NPRL3: variants seen among roughly 807,000 people sequenced by gnomAD.
NPRL3 encodes the protein GATOR1 complex protein NPRL3.
Under a neutral mutation model 57.2 loss-of-function variants are expected in NPRL3, and 23 were observed. The observed-to-expected ratio is 0.40, with a 90% CI of 0.29 to 0.57. NPRL3 has a LOEUF of 0.57. Among genes scored for constraint, NPRL3 ranks in the 20% least tolerant of loss-of-function variants. The pLI, the probability that NPRL3 is intolerant of heterozygous loss-of-function variation, is 0.42. For synonymous variants in NPRL3, 333 were observed against 321.1 expected (o/e 1.04, Z -0.39); for missense variants, 691 against 767.1 (o/e 0.90, Z 1.17).
At chr16:134,694 A>ATTATT (rs1346965930) in intron 2 of NPRL3, among the ~76,000 whole-genome samples, 10 of 103,408 alleles carry the variant, frequency 9.7e-5, no homozygotes, top group Non-Finnish European at 1.6e-4. Context: ...AATTATTATT[A>ATTATT]TTTTTTTTTT....
At chr16:104,806 A>G (rs1418908214) in intron 7 of NPRL3, among the ~76,000 whole-genome samples, 13 of 152,124 alleles carry the variant, frequency 8.5e-5, no homozygotes, top group Non-Finnish European at 1.8e-4. Context: ...TTCCCTGAAC[A>G]TGTCAGAGGG....
chr16:100,500 C>T lies in NPRL3; in HGVS notation c.639G>A (p.Thr213=), dbSNP rs770198792. The change falls in exon 8 of 14, where the codon ACG becomes ACA. Residue 213 remains threonine (T), a synonymous_variant. Transcript: ENST00000611875. ...TGATGTGAAGCCGAACTACGCCCGA[C>T]GTGCACAGGCTGCAGAGAGTGGGCG... is the stretch of plus-strand genomic sequence containing the variant. The part of the protein sequence containing the change: ...DLKEAYDSLC[T]SGVVRLHINS... The T allele has an allele frequency of 1.8e-5, 28 of 1,578,290 alleles. No individual in the cohort carries two copies. The highest frequency in any genetic ancestry group is 6.8e-5 in the African/African-American group (5 of 73,048).
At position 117,379 on chromosome 16, in the gene NPRL3, T is replaced by C. The variant is rs1033435405; in HGVS notation, c.319-4A>G. 3 of 1,595,616 alleles carry C rather than the reference T, an allele frequency of 1.9e-6. No individual in the cohort carries two copies. The highest frequency in any genetic ancestry group is 1.3e-5 in the African/African-American group (1 of 74,556). ...GGGAAGGATCTGTTTTGGAGATCTG[T>C]AAAAGATGCATAATTCTAATTAATT... On this transcript the variant is annotated splice_region_variant and splice_polypyrimidine_tract_variant and intron_variant, in intron 4 of 13. Coordinates refer to ENST00000611875, the MANE Select transcript of NPRL3 (RefSeq NM_001077350.3).
chr16:106,243 G>A lies in NPRL3; in HGVS notation c.629+4282C>T, dbSNP rs1267131157. ...GAATCACTTAAGCCCGGGAGACGGA[G>A]GTTGCAGTGAACTGAGATTGTGCCA... On this transcript the variant is annotated intron_variant, in intron 7 of 13. Transcript: ENST00000611875. 2.0e-5 allele frequency among the ~76,000 whole-genome samples: 3 copies of A among 152,304 alleles called. No individual in the cohort carries two copies. In the East Asian group the frequency reaches 5.8e-4, roughly 29 times the overall value.
At chr16:111,492 T>C (rs1027777199) in intron 6 of NPRL3, among the ~76,000 whole-genome samples, 1 of 152,002 alleles carries the variant, frequency 6.6e-6, no homozygotes, top group Non-Finnish European at 1.5e-5. Context: ...TCTGTCACCC[T>C]TGCTGGAGTG....
At chr16:98,415 A>G (rs1375207421) in intron 8 of NPRL3, 114 bp from the exon 9 acceptor site, 24 of 1,161,502 alleles carry the variant, frequency 2.1e-5, no homozygotes, top group South Asian at 6.1e-5. Flanking sequence ...TGCACCAGGT[A>G]TGCACCGGGT....
In NPRL3 at chr16:87,228, CTTTT is replaced by C. The variant is rs60167911; in HGVS notation, c.1545-362_1545-359del. Among the ~76,000 whole-genome samples, 3 of 149,568 alleles carry C rather than the reference CTTTT, an allele frequency of 2.0e-5. No homozygotes were observed. In the South Asian group the frequency reaches 6.4e-4, roughly 32 times the overall value. ...TAGCTCTGGAGCCAAATGGTCACTGCTTTTTTTTTTCCTTTTTTTGAGAGACGGA... is the reference window on the plus strand; with the variant it reads ...TAGCTCTGGAGCCAAATGGTCACTGCTTTTTTCCTTTTTTTGAGAGACGGA... On this transcript the variant is annotated intron_variant, in intron 13 of 13. Transcript: ENST00000611875.
chr16:99,411 G>A (rs1899169596), intron 8 of NPRL3, among the ~76,000 whole-genome samples: 1 of 152,210 alleles, frequency 6.6e-6, no homozygotes, highest in South Asian at 2.1e-4. Flanking sequence ...TTGGCAGGCC[G>A]AGGCGGGTGG....
chr16:129,888 C>G (rs1354929244), intron 3 of NPRL3, among the ~76,000 whole-genome samples: 1 of 152,114 alleles, frequency 6.6e-6, no homozygotes, highest in Non-Finnish European at 1.5e-5. Context: ...CCCTCCCTCA[C>G]CTGGGCCTAT....
intron 12 of NPRL3, 69 bp from the exon 13 acceptor site, chr16:88,959 G>T: frequency 7.1e-7 from 1 of 1,413,444 alleles, no homozygotes; most frequent in Non-Finnish European, 9.8e-7. Flanking sequence ...CGAGGGCAGA[G>T]CCAGCAGCCA....
chr16:119,804 C>T (rs1900208985), intron 3 of NPRL3, among the ~76,000 whole-genome samples: 1 of 152,238 alleles, frequency 6.6e-6, no homozygotes, highest in Non-Finnish European at 1.5e-5. Flanking sequence ...TCCCTTATCC[C>T]AAACACTTAA....
intron 4 of NPRL3, 64 bp from the exon 5 acceptor site, chr16:117,439 T>C (rs1900092302): frequency 8.3e-7 from 1 of 1,201,258 alleles, no homozygotes; most frequent in Non-Finnish European, 1.2e-6. Flanking sequence ...TTTAGAGCTA[T>C]TCTACTTCAG....
chr16:87,296 A>C (rs1898521274), intron 13 of NPRL3, among the ~76,000 whole-genome samples: 1 of 151,354 alleles, frequency 6.6e-6, no homozygotes, highest in African/African-American at 2.4e-5. Flanking sequence ...CAGTGGCTCG[A>C]TCTCAGCTCA....
chr16:119,139 T>A lies in NPRL3; in HGVS notation c.305A>T (p.His102Leu). The change falls in exon 4 of 14, where the codon CAT becomes CTT. Residue 102 changes from histidine to leucine, a missense_variant. By Grantham distance (99) the His-to-Leu change is moderately conservative. Coordinates refer to ENST00000611875, the MANE Select transcript of NPRL3 (RefSeq NM_001077350.3). Reference sequence around the variant, plus strand: ...GGAGAGCCATACCTGCCCCAGAGCATGCTGTAGCAGTGTTGGGTGCCCAAC... The same window carrying A: ...GGAGAGCCATACCTGCCCCAGAGCAAGCTGTAGCAGTGTTGGGTGCCCAAC... ...RFVGHPTLLQ[H>L]ALGQISKTDP... 1 of 1,613,720 alleles carries A rather than the reference T, an allele frequency of 6.2e-7. No individual in the cohort carries two copies. Among genetic ancestry groups the A allele is most frequent in the Non-Finnish European group, 8.5e-7 (1 of 1,179,738 alleles).
chr16:89,854 T>C lies in NPRL3; in HGVS notation c.1210A>G (p.Ile404Val). ...AGGCAGACATAGGTGTGCAGCTGGATGAGAAGCCGGCGCTGCAGCATCCAC... is the reference window on the plus strand; with the variant it reads ...AGGCAGACATAGGTGTGCAGCTGGACGAGAAGCCGGCGCTGCAGCATCCAC... ...VVWMLQRRLL[I>V]QLHTYVCLMA... Residue 404 changes from isoleucine (I) to valine (V), a missense_variant, in exon 12 of 14, where the codon ATC (isoleucine) becomes GTC (valine). Transcript: ENST00000611875. The C allele has an allele frequency of 6.4e-7, 1 of 1,570,108 alleles. No homozygotes were observed. Among genetic ancestry groups the C allele is most frequent in the Non-Finnish European group, 8.6e-7 (1 of 1,159,040 alleles).
At chr16:103,666 T>A (rs189036829) in intron 7 of NPRL3, among the ~76,000 whole-genome samples, 10 of 152,188 alleles carry the variant, frequency 6.6e-5, no homozygotes, top group African/African-American at 2.4e-4. Flanking sequence ...GCTGGGGGCT[T>A]CACTCAGCGG....
chr16:131,119 G>A (rs1900770584), intron 2 of NPRL3, among the ~76,000 whole-genome samples: 1 of 152,342 alleles, frequency 6.6e-6, no homozygotes, highest in Admixed American at 6.5e-5. Flanking sequence ...TGGATCACCT[G>A]AGGTCAGGAG....
At position 85,492 on chromosome 16, in the gene NPRL3, C is replaced by A. The variant is rs575216465; in HGVS notation, c.*1213G>T. 3.7e-6 allele frequency: 6 copies of A among 1,613,248 alleles called. No individual in the cohort carries two copies. The African/African-American group carries it at 8.0e-5, about 21-fold the overall frequency. ...TTCGCAGCACCCTCCGGAAAGGCAC[C>A]GCCAGCCGTGTCCTCAAGGACCGCG... On this transcript the variant is annotated 3_prime_UTR_variant, in exon 14 of 14. Coordinates refer to ENST00000611875, the MANE Select transcript of NPRL3 (RefSeq NM_001077350.3).
chr16:88,813 G>T lies in NPRL3; in HGVS notation c.1429C>A (p.Pro477Thr), dbSNP rs1180529722. ...TTCTCCGTCATCCTCTGGTTCAGTG[G>T]CGAGTCCCCGCTGGGAAGTAGCTCT... ...SAELLPSGDSPLNQRMTENLL... is the reference protein window; with the variant it reads ...SAELLPSGDSTLNQRMTENLL... Residue 477 changes from proline (P) to threonine (T), a missense_variant, in exon 13 of 14, where the codon CCA becomes ACA. Physicochemically the swap from Pro to Thr is conservative, Grantham distance 38. Transcript: ENST00000611875. 6.2e-7 allele frequency: 1 copy of T among 1,613,816 alleles called. No homozygotes were observed. The highest frequency in any genetic ancestry group is 8.5e-7 in the Non-Finnish European group (1 of 1,179,852).
Sources: gnomAD v4.1 joint callset for allele counts (sites outside exome capture counted in the v4.1 genomes callset) on GRCh38, gnomAD v4.1.1 for gene constraint, MANE v1.5 for transcripts, NCBI Gene and HGNC (gene_info 2026-07-23, HGNC 2026-07-21) for gene names.